FGF12: variants seen among roughly 807,000 people sequenced by gnomAD.
FGF12 encodes the protein fibroblast growth factor 12, also known as fibroblast growth factor 12B.
In FGF12, 14 loss-of-function variants were observed where a neutral mutation model predicts 23.6. The observed-to-expected ratio is 0.59, with a 90% CI of 0.39 to 0.93. The LOEUF (loss-of-function observed/expected upper bound fraction) is 0.93. Among genes scored for constraint, FGF12 ranks in the 40% least tolerant of loss-of-function variants. The pLI, the probability that FGF12 is intolerant of heterozygous loss-of-function variation, is 0.00. For missense variants in FGF12, 175 were observed against 217.8 expected, an observed-to-expected ratio of 0.80 and a Z score of 1.24; for synonymous variants, 62 against 77.3, an observed-to-expected ratio of 0.80 and a Z score of 1.04.
At chr3:192,681,819 T>C (rs1717538276) in intron 2 of FGF12, among the ~76,000 whole-genome samples, 1 of 152,026 alleles carries the variant, frequency 6.6e-6, no homozygotes, top group African/African-American at 2.4e-5. Context: ...AATCATCTAG[T>C]CAGCCAACAC....
chr3:192,286,174 C>G (rs1714435090), intron 4 of FGF12, among the ~76,000 whole-genome samples: 2 of 151,922 alleles, frequency 1.3e-5, no homozygotes, highest in African/African-American at 2.4e-5. Context: ...AGGATCAATC[C>G]TAGAGCTCTG....
chr3:192,277,610 G>C (rs972726346), intron 4 of FGF12, among the ~76,000 whole-genome samples: 1 of 152,156 alleles, frequency 6.6e-6, no homozygotes. Context: ...ACCTACAACT[G>C]TGTTGCAGTG....
intron 2 of FGF12, among the ~76,000 whole-genome samples, chr3:192,667,459 A>T (rs538470894): frequency 1.3e-5 from 2 of 151,618 alleles, no homozygotes; most frequent in East Asian, 3.9e-4. Context: ...CAAAAAAAAA[A>T]CTTAGCCAGG....
intron 4 of FGF12, among the ~76,000 whole-genome samples, chr3:192,228,170 A>G (rs1355891644): frequency 1.3e-5 from 2 of 152,170 alleles, no homozygotes; most frequent in Non-Finnish European, 2.9e-5. Context: ...AAAAAAAAGT[A>G]TATGGGTAGT....
rs116710483 is a variant in FGF12, at chr3:192,276,632, A to T, written c.228+58729T>A. 6.7e-3 allele frequency among the ~76,000 whole-genome samples: 1,012 copies of T among 152,086 alleles called. 4 individuals are homozygous for T. Among genetic ancestry groups the T allele is most frequent in the African/African-American group, 0.023 (968 of 41,486 alleles). On this transcript the variant is annotated intron_variant, in intron 4 of 5. Transcript: ENST00000445105. ...TGCCTCTCAGTTCCAATTTTTCCTG[A>T]GGTTAGCCATAGAAACTAGACCCCT...
In FGF12 at chr3:192,378,080, T is replaced by TCTTTCTG. The variant is rs1553805087; in HGVS notation, c.14-17543_14-17542insCAGAAAG. Among the ~76,000 whole-genome samples the TCTTTCTG allele has an allele frequency of 1.6e-4, 17 of 105,854 alleles. 1 individual carries two copies. The highest frequency in any genetic ancestry group is 6.5e-4 in the African/African-American group (17 of 26,348). 69.4% of individuals were successfully genotyped at this position (105,854 alleles called of 152,430 possible). A position where few individuals can be genotyped will look rare whatever the true frequency, so the allele number is the denominator to read the frequency against. ...TTTCTTTCTTTCTTTCTTTCTTTCT[T>TCTTTCTG]TCTTTCTTTCTTTCTTCTTTCTTTC... On this transcript the variant is annotated intron_variant, in intron 2 of 5. Coordinates refer to ENST00000445105, the MANE Select transcript of FGF12 (RefSeq NM_004113.6).
intron 2 of FGF12, chr3:192,516,906 C>T (rs1209378144): frequency 6.6e-6 from 1 of 152,196 alleles, no homozygotes; most frequent in Non-Finnish European, 1.5e-5. Flanking sequence ...AAAATTGGCT[C>T]ATCTGGGATT....
intron 2 of FGF12, among the ~76,000 whole-genome samples, chr3:192,650,391 A>G (rs1716173241): frequency 6.6e-6 from 1 of 152,120 alleles, no homozygotes; most frequent in South Asian, 2.1e-4. Flanking sequence ...TATTTCCACT[A>G]CTGGAACTGC....
intron 4 of FGF12, among the ~76,000 whole-genome samples, chr3:192,300,176 T>A (rs1715261505): frequency 6.6e-6 from 1 of 152,166 alleles, no homozygotes; most frequent in Non-Finnish European, 1.5e-5. Flanking sequence ...CTACCAGGTG[T>A]CCTGGGTTGG....
chr3:192,656,551 G>A (rs555407677), intron 2 of FGF12, among the ~76,000 whole-genome samples: 31 of 152,158 alleles, frequency 2.0e-4, no homozygotes, highest in Non-Finnish European at 3.7e-4. Context: ...TGGGAGGAGG[G>A]GTGCTACTGG....
At chr3:192,439,964 A>G (rs1439651203) in intron 2 of FGF12, among the ~76,000 whole-genome samples, 3 of 149,836 alleles carry the variant, frequency 2.0e-5, no homozygotes, top group East Asian at 1.9e-4. Flanking sequence ...TGACAGAGCA[A>G]GACTCCATAT....
At chr3:192,468,037 T>G (rs1383203321) in intron 2 of FGF12, among the ~76,000 whole-genome samples, 1 of 152,222 alleles carries the variant, frequency 6.6e-6, no homozygotes, top group Non-Finnish European at 1.5e-5. Flanking sequence ...ATTTCCATGG[T>G]ACACTCCCGA....
intron 2 of FGF12, among the ~76,000 whole-genome samples, chr3:192,575,924 GA>G (rs1232712645): frequency 1.3e-5 from 2 of 151,956 alleles, no homozygotes; most frequent in African/African-American, 4.8e-5. Context: ...TGATAAATAT[GA>G]AAAAGGTACT....
chr3:192,177,886 C>T (rs1715947145), intron 4 of FGF12, among the ~76,000 whole-genome samples: 1 of 152,194 alleles, frequency 6.6e-6, no homozygotes, highest in Non-Finnish European at 1.5e-5. Context: ...TAACCCTTTA[C>T]CTTGCTTTTG....
intron 2 of FGF12, among the ~76,000 whole-genome samples, chr3:192,581,664 T>C (rs970265323): frequency 1.3e-5 from 2 of 152,084 alleles, no homozygotes; most frequent in Admixed American, 6.5e-5. Context: ...TTGTGGACTT[T>C]GAAGATTTCT....
chr3:192,146,885 G>A (rs1346849095), intron 5 of FGF12, among the ~76,000 whole-genome samples: 1 of 152,128 alleles, frequency 6.6e-6, no homozygotes, highest in Non-Finnish European at 1.5e-5. Flanking sequence ...CAGTGCCACA[G>A]CAAGATGTAA....
At chr3:192,637,621 A>G (rs1473511527) in intron 2 of FGF12, among the ~76,000 whole-genome samples, 1 of 152,184 alleles carries the variant, frequency 6.6e-6, no homozygotes, top group Non-Finnish European at 1.5e-5. Flanking sequence ...TGTGGTGTTT[A>G]GCTTCTTTTG....
chr3:192,711,690 G>A (rs1409554735), intron 2 of FGF12, among the ~76,000 whole-genome samples: 1 of 152,048 alleles, frequency 6.6e-6, no homozygotes, highest in Non-Finnish European at 1.5e-5. Flanking sequence ...GTCCACTCAG[G>A]GTTAAATGGA....
chr3:192,612,187 A>G lies in FGF12; in HGVS notation c.13+114994T>C, dbSNP rs561520998. On this transcript the variant is annotated intron_variant, in intron 2 of 5. Transcript: ENST00000445105. ...GAAATGGCTCTATTTTTAAAGGTTT[A>G]TAGTGACTGGATGAAGTATCCTCTG... Among the ~76,000 whole-genome samples the G allele has an allele frequency of 1.6e-3, 239 of 152,198 alleles. 1 individual carries two copies. Among genetic ancestry groups the G allele is most frequent in the Middle Eastern group, 6.8e-3 (2 of 294 alleles).
Sources: gnomAD v4.1 joint callset for allele counts (sites outside exome capture counted in the v4.1 genomes callset) on GRCh38, gnomAD v4.1.1 for gene constraint, MANE v1.5 for transcripts, NCBI Gene and HGNC (gene_info 2026-07-23, HGNC 2026-07-21) for gene names.